PPP2R3A: variants seen among roughly 807,000 people sequenced by gnomAD.
PPP2R3A encodes protein phosphatase 2 regulatory subunit B''alpha.
A neutral mutation model predicts 106.9 loss-of-function variants in PPP2R3A; 80 were observed. The ratio of observed to expected loss-of-function variants is 0.75; its 90% CI spans 0.62 to 0.90. The LOEUF is 0.90. Among genes scored for constraint, PPP2R3A ranks in the 40% least tolerant of loss-of-function variants. The pLI is 0.00. For synonymous variants in PPP2R3A, 483 were observed against 468.3 expected (o/e 1.03, Z -0.41); for missense variants, 1,386 against 1,350.4 (o/e 1.03, Z -0.41).
intron 2 of PPP2R3A, among the ~76,000 whole-genome samples, chr3:136,011,986 C>T (rs1252774617): frequency 7.7e-6 from 1 of 130,508 alleles, no homozygotes; most frequent in African/African-American, 3.8e-5. Flanking sequence ...CACACACACA[C>T]ACACACATAC....
chr3:136,136,093 T>TATATATAA (rs1221985359), intron 13 of PPP2R3A, among the ~76,000 whole-genome samples: 7 of 118,636 alleles, frequency 5.9e-5, no homozygotes, highest in African/African-American at 2.4e-4. Context: ...TATATATATA[T>TATATATAA]AAAAAACATC....
intron 1 of PPP2R3A, among the ~76,000 whole-genome samples, chr3:135,981,695 C>T (rs1308811751): frequency 2.6e-5 from 4 of 151,580 alleles, no homozygotes; most frequent in East Asian, 1.9e-4. Context: ...AGACAGTAAA[C>T]GTGTAAACAG....
At chr3:136,091,075 T>C (rs557143358) in intron 10 of PPP2R3A, among the ~76,000 whole-genome samples, 2 of 152,358 alleles carry the variant, frequency 1.3e-5, no homozygotes, top group African/African-American at 4.8e-5. Flanking sequence ...CCAGTTGAAA[T>C]CATCTATGCT....
chr3:136,063,981 G>A (rs957320932), intron 5 of PPP2R3A, among the ~76,000 whole-genome samples: 6 of 150,490 alleles, frequency 4.0e-5, no homozygotes, highest in East Asian at 1.9e-4. Context: ...TGTTTATTGC[G>A]GCACTATTCA....
intron 1 of PPP2R3A, among the ~76,000 whole-genome samples, chr3:135,967,505 A>G (rs1937121369): frequency 6.6e-6 from 1 of 152,204 alleles, no homozygotes; most frequent in Non-Finnish European, 1.5e-5. Flanking sequence ...CTCTGAGAGA[A>G]TGGAAGTTTT....
chr3:136,085,244 AG>A (rs1473883878), intron 8 of PPP2R3A, among the ~76,000 whole-genome samples: 2 of 149,532 alleles, frequency 1.3e-5, no homozygotes, highest in African/African-American at 5.1e-5. Flanking sequence ...CTCTCATGAT[AG>A]TGAGTAAGTC....
At chr3:136,085,145 T>C (rs1210078277) in intron 8 of PPP2R3A, among the ~76,000 whole-genome samples, 3 of 152,154 alleles carry the variant, frequency 2.0e-5, no homozygotes, top group Admixed American at 6.5e-5. Context: ...AAATCTCTTA[T>C]TGAATTGTAG....
At chr3:136,013,902 G>T (rs1454806265) in intron 2 of PPP2R3A, among the ~76,000 whole-genome samples, 1 of 152,144 alleles carries the variant, frequency 6.6e-6, no homozygotes, top group African/African-American at 2.4e-5. Context: ...CCTTGGTCAT[G>T]AAGTCTTCAC....
At chr3:136,027,803 C>T (rs140688666) in intron 3 of PPP2R3A, among the ~76,000 whole-genome samples, 3 of 152,262 alleles carry the variant, frequency 2.0e-5, no homozygotes, top group Middle Eastern at 6.8e-3. Context: ...GGTCACACTT[C>T]AGGCTTTAGC....
At chr3:136,029,117 T>C (rs1934770401) in intron 3 of PPP2R3A, among the ~76,000 whole-genome samples, 1 of 152,136 alleles carries the variant, frequency 6.6e-6, no homozygotes, top group African/African-American at 2.4e-5. Flanking sequence ...CCTCCCAAAG[T>C]GCTGAGATTA....
intron 4 of PPP2R3A, among the ~76,000 whole-genome samples, chr3:136,041,634 A>G (rs1280328075): frequency 6.6e-6 from 1 of 151,358 alleles, no homozygotes; most frequent in Non-Finnish European, 1.5e-5. Context: ...TGGGGGGCAA[A>G]TCAGATGTGT....
intron 13 of PPP2R3A, among the ~76,000 whole-genome samples, chr3:136,120,128 C>G: frequency 7.1e-6 from 1 of 141,282 alleles, no homozygotes; most frequent in Admixed American, 7.6e-5. Flanking sequence ...ATATCCAGGC[C>G]TGTCCGGGGG....
intron 3 of PPP2R3A, among the ~76,000 whole-genome samples, chr3:136,031,145 T>G (rs1360663184): frequency 6.6e-6 from 1 of 152,106 alleles, no homozygotes; most frequent in Admixed American, 6.5e-5. Flanking sequence ...TTTTATTTTG[T>G]TTTGTTTTTT....
intron 1 of PPP2R3A, among the ~76,000 whole-genome samples, chr3:135,998,528 A>G (rs1477628605): frequency 1.3e-5 from 2 of 152,250 alleles, no homozygotes; most frequent in Non-Finnish European, 2.9e-5. Context: ...ACATGGAGAA[A>G]CAGGCCCTCT....
intron 4 of PPP2R3A, among the ~76,000 whole-genome samples, chr3:136,043,411 A>C (rs1935362332): frequency 1.3e-5 from 2 of 152,138 alleles, no homozygotes; most frequent in South Asian, 4.1e-4. Context: ...GTGAGCCGAG[A>C]TCGCGCCTCT....
In PPP2R3A at chr3:136,146,981, T is replaced by C. The variant is rs1287365578; in HGVS notation, c.*1815T>C. On this transcript the variant is annotated 3_prime_UTR_variant, in exon 14 of 14. Transcript: ENST00000264977. ...AAAGTAAAAATTCAATTTTACAATA[T>C]ACATTTTTTTTTTTAACTATTTGGC... The C allele has an allele frequency of 1.3e-5, 2 of 151,556 alleles. No individual in the cohort carries two copies. The highest frequency in any genetic ancestry group is 2.4e-5 in the African/African-American group (1 of 40,888). 9.4% of individuals were successfully genotyped at this position (151,556 alleles called of 1,614,324 possible). A position where few individuals can be genotyped will look rare whatever the true frequency, so the allele number is the denominator to read the frequency against.
At chr3:136,045,997 A>G (rs1012100526) in intron 4 of PPP2R3A, among the ~76,000 whole-genome samples, 5 of 151,860 alleles carry the variant, frequency 3.3e-5, no homozygotes, top group African/African-American at 1.2e-4. Context: ...CAGCCTAGGT[A>G]ACATGGCAAG....
intron 1 of PPP2R3A, among the ~76,000 whole-genome samples, chr3:135,994,635 C>T (rs971175312): frequency 3.9e-5 from 6 of 152,144 alleles, no homozygotes; most frequent in African/African-American, 1.4e-4. Context: ...TCTGGAGTTA[C>T]AGGTGTCTCC....
In PPP2R3A at chr3:136,064,261, C is replaced by T. The variant is rs185953527; in HGVS notation, c.2470-6217C>T. Reference sequence around the variant, plus strand: ...GAAGGGGAACATCACACTCTGGGGACTGTTGTGGGGTGGGGGGAGGGGGGA... The same window carrying T: ...GAAGGGGAACATCACACTCTGGGGATTGTTGTGGGGTGGGGGGAGGGGGGA... On this transcript the variant is annotated intron_variant, in intron 5 of 13. Transcript: ENST00000264977. 7.4e-3 allele frequency among the ~76,000 whole-genome samples: 803 copies of T among 108,018 alleles called. 21 individuals are homozygous for T. Among genetic ancestry groups the T allele is most frequent in the East Asian group, 0.052 (189 of 3,648 alleles). 70.9% of individuals were successfully genotyped at this position (108,018 alleles called of 152,430 possible).
Sources: gnomAD v4.1 joint callset for allele counts (sites outside exome capture counted in the v4.1 genomes callset) on GRCh38, gnomAD v4.1.1 for gene constraint, MANE v1.5 for transcripts, NCBI Gene and HGNC (gene_info 2026-07-23, HGNC 2026-07-21) for gene names.